The following SEMA5A variants were observed in gnomAD, a reference collection of about 807,000 sequenced individuals.
SEMA5A encodes the protein semaphorin-5A.
SEMA5A carries 55 observed loss-of-function variants against 135.5 expected under a neutral mutation model. That is an observed-to-expected ratio of 0.41 (90% confidence interval 0.33 to 0.51). SEMA5A has a LOEUF of 0.51. Ranked by LOEUF, SEMA5A falls within the 20% of genes least tolerant of loss-of-function variation. The probability of loss-of-function intolerance (pLI) is 0.37; values close to 1 mark genes in which losing one functional copy is unlikely to be tolerated. For missense variants in SEMA5A, 1,290 were observed against 1,419.9 expected, an observed-to-expected ratio of 0.91 and a Z score of 1.47; for synonymous variants, 580 against 546.5, an observed-to-expected ratio of 1.06 and a Z score of -0.85.
intron 1 of SEMA5A, among the ~76,000 whole-genome samples, chr5:9,483,450 A>G (rs186853061): frequency 0.01 from 1,544 of 152,318 alleles, 13 homozygotes; most frequent in Non-Finnish European, 0.015. Flanking sequence ...AACTAAGGGA[A>G]GCACTGAAAA....
intron 4 of SEMA5A, among the ~76,000 whole-genome samples, chr5:9,333,473 A>G (rs1033515529): frequency 6.6e-6 from 1 of 152,234 alleles, no homozygotes; most frequent in Admixed American, 6.5e-5. Flanking sequence ...CACCCTTAGA[A>G]TGAACCTGAA....
intron 5 of SEMA5A, among the ~76,000 whole-genome samples, chr5:9,286,808 A>C (rs1267625243): frequency 6.6e-6 from 1 of 152,202 alleles, no homozygotes; most frequent in African/African-American, 2.4e-5. Context: ...CAAATACCCA[A>C]AGTAAAGCCC....
rs766360292 is a variant in SEMA5A at position 9,051,943 on chromosome 5, G to A, written c.2775C>T (p.Pro925=). Residue 925 remains proline (P), a synonymous_variant, in exon 20 of 23, where the codon CCC becomes CCT. Transcript: ENST00000382496. The stretch of plus-strand genomic sequence containing the variant: ...TGTTCCCGGAGCACTGGCTGCCCAT[G>A]GGGAACAGGAGGATGCACTGGCGGG... ...VRARQCILLF[P]MGSQCSGNTT... The A allele has an allele frequency of 1.2e-6, 2 of 1,614,162 alleles. No individual in the cohort carries two copies. The highest frequency in any genetic ancestry group is 1.7e-5 in the Admixed American group (1 of 60,024).
intron 1 of SEMA5A, among the ~76,000 whole-genome samples, chr5:9,470,167 G>A (rs932071088): frequency 3.3e-5 from 5 of 152,126 alleles, no homozygotes; most frequent in Admixed American, 2.6e-4. Flanking sequence ...GGAGAGAGAA[G>A]GTAATCTCAA....
intron 12 of SEMA5A, among the ~76,000 whole-genome samples, chr5:9,154,171 G>A (rs988036808): frequency 6.8e-6 from 1 of 147,428 alleles, no homozygotes. Context: ...GCTTGTGCCA[G>A]ATTAACATAT....
At chr5:9,298,170 G>C (rs1751434364) in intron 5 of SEMA5A, among the ~76,000 whole-genome samples, 1 of 149,324 alleles carries the variant, frequency 6.7e-6, no homozygotes, top group Non-Finnish European at 1.5e-5. Flanking sequence ...ATTAGGGTGG[G>C]CCATAATCCA....
intron 1 of SEMA5A, among the ~76,000 whole-genome samples, chr5:9,482,865 T>C (rs1759928464): frequency 6.6e-6 from 1 of 152,222 alleles, no homozygotes; most frequent in South Asian, 2.1e-4. Context: ...CAGCTGGACT[T>C]TCCTGATCAT....
intron 2 of SEMA5A, among the ~76,000 whole-genome samples, chr5:9,434,198 T>C (rs1757953071): frequency 6.6e-6 from 1 of 152,026 alleles, no homozygotes; most frequent in Non-Finnish European, 1.5e-5. Flanking sequence ...AAAACAAGGG[T>C]TTTTTCTTCA....
intron 16 of SEMA5A, among the ~76,000 whole-genome samples, chr5:9,082,039 T>G (rs1165093519): frequency 6.6e-6 from 1 of 152,242 alleles, no homozygotes; most frequent in South Asian, 2.1e-4. Flanking sequence ...TGATCAGAGC[T>G]GCTCTTGGAG....
chr5:9,313,464 T>C (rs1380379638), intron 5 of SEMA5A, among the ~76,000 whole-genome samples: 3 of 152,150 alleles, frequency 2.0e-5, no homozygotes, highest in Non-Finnish European at 4.4e-5. Flanking sequence ...ATTAAAGTTA[T>C]GTTTAAAAAG....
At chr5:9,544,253 G>C (rs1187506734) in intron 1 of SEMA5A, among the ~76,000 whole-genome samples, 5 of 152,012 alleles carry the variant, frequency 3.3e-5, no homozygotes, top group Non-Finnish European at 7.4e-5. Context: ...TGTGACTCCT[G>C]ATGTGTTAAC....
chr5:9,219,979 A>G lies in SEMA5A; in HGVS notation c.646+4695T>C, dbSNP rs1317315539. ...CAGGGGAGTTAAAATTTTGGAATAG[A>G]AAAAAAAATGTGATTACATATACAC... On this transcript the variant is annotated intron_variant, in intron 8 of 22. Transcript: ENST00000382496. 2.6e-5 allele frequency among the ~76,000 whole-genome samples: 4 copies of G among 151,428 alleles called. No homozygotes were observed. The East Asian group carries it at 7.8e-4, about 29-fold the overall frequency.
At position 9,054,095 on chromosome 5, in the gene SEMA5A, G is replaced by A. The variant is rs1182402173; in HGVS notation, c.2681C>T (p.Pro894Leu). 1.9e-6 allele frequency: 3 copies of A among 1,610,452 alleles called. No individual in the cohort carries two copies. Among genetic ancestry groups the A allele is most frequent in the Non-Finnish European group, 2.5e-6 (3 of 1,178,736 alleles). Residue 894 changes from proline (P) to leucine (L), a missense_variant, in exon 19 of 23, where the codon CCC (proline) becomes CTC (leucine). Coordinates refer to ENST00000382496, the MANE Select transcript of SEMA5A (RefSeq NM_003966.3). ...HTEEALCNTQ[P>L]CPESWSEWSD... Reference sequence around the variant, plus strand: ...GGTGAGGTGCCGCTTACCTGGGCAGGGCTGCGTGTTGCAGAGTGCCTCTTC... The same window carrying A: ...GGTGAGGTGCCGCTTACCTGGGCAGAGCTGCGTGTTGCAGAGTGCCTCTTC...
chr5:9,279,001 G>C lies in SEMA5A; in HGVS notation c.270+39371C>G, dbSNP rs959768263. 4.6e-5 allele frequency among the ~76,000 whole-genome samples: 7 copies of C among 152,352 alleles called. No homozygotes were observed. In the East Asian group the frequency reaches 1.2e-3, roughly 25 times the overall value. On this transcript the variant is annotated intron_variant, in intron 5 of 22. Coordinates refer to ENST00000382496, the MANE Select transcript of SEMA5A (RefSeq NM_003966.3). ...CCCCATTGGAACACTGCCTAGTGGA[G>C]CTGGCAGAAGAGGGCCACCATCCTC... is the stretch of plus-strand genomic sequence containing the variant.
chr5:9,244,035 G>A (rs1407099114), intron 5 of SEMA5A, among the ~76,000 whole-genome samples: 1 of 152,078 alleles, frequency 6.6e-6, no homozygotes, highest in Non-Finnish European at 1.5e-5. Flanking sequence ...AAGCCTCTGG[G>A]CCCATTCACA....
At chr5:9,339,825 T>C (rs972037342) in intron 3 of SEMA5A, among the ~76,000 whole-genome samples, 1 of 152,172 alleles carries the variant, frequency 6.6e-6, no homozygotes, top group African/African-American at 2.4e-5. Flanking sequence ...CAATGAGCCC[T>C]TGATAGAAAG....
At chr5:9,185,083 A>G (rs1390134458) in intron 11 of SEMA5A, among the ~76,000 whole-genome samples, 2 of 152,180 alleles carry the variant, frequency 1.3e-5, no homozygotes, top group African/African-American at 2.4e-5. Context: ...GCTCACCACC[A>G]TACCTGCCTA....
At chr5:9,154,381 G>C (rs1462196394) in intron 12 of SEMA5A, 107 bp downstream of exon 12, 1 of 885,618 alleles carries the variant, frequency 1.1e-6, no homozygotes, top group East Asian at 2.6e-5. Context: ...GGCATGAAGG[G>C]TGGCTCTGAG....
intron 17 of SEMA5A, among the ~76,000 whole-genome samples, chr5:9,063,832 C>T (rs968695499): frequency 3.9e-5 from 6 of 152,164 alleles, no homozygotes; most frequent in Non-Finnish European, 7.3e-5. Flanking sequence ...AGCCAACAGG[C>T]TTTGAGGACA....
Sources: allele counts gnomAD v4.1 joint callset (sites outside exome capture counted in the v4.1 genomes callset), GRCh38; gene constraint gnomAD v4.1.1; transcripts MANE v1.5; gene names NCBI Gene and HGNC (gene_info 2026-07-23, HGNC 2026-07-21).